Variants in UTP18 observed in about 807,000 individuals in gnomAD.
UTP18 encodes the protein UTP18 small subunit processome component, also known as U3 small nucleolar RNA-associated protein 18 homolog.
In UTP18, 36 loss-of-function variants were observed where a neutral mutation model predicts 61.1. The observed-to-expected ratio is 0.59, with a 90% CI of 0.45 to 0.78. The LOEUF is 0.78. UTP18 is among the 30% of genes least tolerant of loss of function. The pLI is 0.00. For synonymous variants in UTP18, 282 were observed against 251.1 expected, an observed-to-expected ratio of 1.12 and a Z score of -1.16; for missense variants, 753 against 693.9, an observed-to-expected ratio of 1.09 and a Z score of -0.96.
chr17:51,277,920 T>C (rs1904784523), intron 7 of UTP18, among the ~76,000 whole-genome samples: 1 of 152,144 alleles, frequency 6.6e-6, no homozygotes, highest in Admixed American at 6.6e-5. Flanking sequence ...ACCAAAGCCC[T>C]TCTAATGAGG....
At chr17:51,263,127 G>T in intron 1 of UTP18, 147 bp from the exon 2 acceptor site, 1 of 659,362 alleles carries the variant, frequency 1.5e-6, no homozygotes, top group Non-Finnish European at 2.6e-6. Context: ...TCTGCTTCCA[G>T]CATTTGCAAT....
At position 51,266,176 on chromosome 17, in the gene UTP18, T is replaced by C. The variant is rs773366961; in HGVS notation, c.456-6T>C. On this transcript the variant is annotated splice_polypyrimidine_tract_variant and splice_region_variant and intron_variant, in intron 2 of 13. Coordinates refer to ENST00000225298, the MANE Select transcript of UTP18 (RefSeq NM_016001.3). Reference sequence around the variant, plus strand: ...TTATTTAAAATATGCTGTTCTGTTTTTGTAGGGTTGACATGATGAACAATC... The same window carrying C: ...TTATTTAAAATATGCTGTTCTGTTTCTGTAGGGTTGACATGATGAACAATC... 6.3e-7 allele frequency: 1 copy of C among 1,575,786 alleles called. No individual in the cohort carries two copies. The highest frequency in any genetic ancestry group is 1.2e-5 in the South Asian group (1 of 84,108).
At chr17:51,292,299 T>A (rs1031927032) in intron 11 of UTP18, among the ~76,000 whole-genome samples, 1 of 152,370 alleles carries the variant, frequency 6.6e-6, no homozygotes, top group African/African-American at 2.4e-5. Context: ...GCCAACTTCT[T>A]AGCTTTAATG....
At chr17:51,285,024 A>G (rs969827589) in intron 9 of UTP18, among the ~76,000 whole-genome samples, 2 of 151,810 alleles carry the variant, frequency 1.3e-5, no homozygotes, top group Non-Finnish European at 1.5e-5. Flanking sequence ...TGGCGCAGTT[A>G]CACTCCAGCC....
intron 10 of UTP18, chr17:51,286,435 C>T (rs1234484890): frequency 2.2e-6 from 1 of 455,220 alleles, no homozygotes; most frequent in South Asian, 1.6e-5. Flanking sequence ...GTCTTGTTGT[C>T]CAGAAACTTA....
At chr17:51,280,180 G>A (rs1202247552) in intron 8 of UTP18, 75 bp downstream of exon 8, 6 of 1,468,386 alleles carry the variant, frequency 4.1e-6, no homozygotes, top group Admixed American at 3.8e-5. Flanking sequence ...CCTTAACTCA[G>A]TGTGTCCTTA....
At chr17:51,264,209 G>A (rs765651666) in intron 2 of UTP18, among the ~76,000 whole-genome samples, 14 of 151,830 alleles carry the variant, frequency 9.2e-5, no homozygotes, top group Non-Finnish European at 1.8e-4. Context: ...GCTAATTTTT[G>A]TATTTTTAGT....
intron 3 of UTP18, 61 bp from the exon 4 acceptor site, chr17:51,268,776 A>G (rs1258158995): frequency 9.3e-6 from 13 of 1,398,550 alleles, no homozygotes; most frequent in Non-Finnish European, 1.3e-5. Context: ...CTTTAAATGT[A>G]TCAAGCTTTA....
chr17:51,285,197 C>G (rs756143737), intron 9 of UTP18, 48 bp from the exon 10 acceptor site: 3 of 1,607,260 alleles, frequency 1.9e-6, no homozygotes, highest in Non-Finnish European at 2.5e-6. Flanking sequence ...ACTTGCCTTT[C>G]AAGTTTAAAG....
At chr17:51,272,920 A>G (rs1030643222) in intron 4 of UTP18, among the ~76,000 whole-genome samples, 2 of 152,224 alleles carry the variant, frequency 1.3e-5, no homozygotes, top group African/African-American at 2.4e-5. Flanking sequence ...GTTCTGATAC[A>G]TAGATTGCTG....
chr17:51,286,604 A>C, intron 10 of UTP18: 2 of 455,936 alleles, frequency 4.4e-6, no homozygotes, highest in Non-Finnish European at 8.8e-6. Flanking sequence ...TGCCTTAGGC[A>C]GTAAGACAGT....
intron 5 of UTP18, among the ~76,000 whole-genome samples, chr17:51,275,357 C>T (rs572762535): frequency 2.0e-5 from 3 of 152,274 alleles, no homozygotes; most frequent in African/African-American, 7.2e-5. Context: ...TGTGAGATTA[C>T]CATTACTTTA....
At chr17:51,286,104 C>T (rs1159989242) in intron 10 of UTP18, among the ~76,000 whole-genome samples, 1 of 152,106 alleles carries the variant, frequency 6.6e-6, no homozygotes, top group African/African-American at 2.4e-5. Context: ...AAAACATGTT[C>T]CTAGGAAATA....
Position 51,261,829 on chromosome 17 carries a change from C to T in UTP18, c.342+903C>T, listed in dbSNP as rs567001774. On this transcript the variant is annotated intron_variant, in intron 1 of 13. Coordinates refer to ENST00000225298, the MANE Select transcript of UTP18 (RefSeq NM_016001.3). The stretch of plus-strand genomic sequence containing the variant: ...CAAATGCTGACCTAGTTAATGTCAG[C>T]TGCTTACCAGAGCCGCCTTCGGGTG... Among the ~76,000 whole-genome samples, 137 of 151,974 alleles carry T rather than the reference C, an allele frequency of 9.0e-4. 2 individuals are homozygous for T. Among genetic ancestry groups the T allele is most frequent in the Admixed American group, 7.2e-4 (11 of 15,250 alleles).
At chr17:51,291,056 C>T (rs1905225623) in intron 11 of UTP18, among the ~76,000 whole-genome samples, 1 of 152,124 alleles carries the variant, frequency 6.6e-6, no homozygotes, top group Non-Finnish European at 1.5e-5. Flanking sequence ...CGAGCTTTTA[C>T]TTGTTGAATT....
In UTP18 at chr17:51,285,925, A is replaced by T. The variant is rs969377784; in HGVS notation, c.1328+557A>T. ...GCAAAGAAAATGCTGGCGCTACCTT[A>T]TATCATTGTATTTTTTCCTATTTAA... On this transcript the variant is annotated intron_variant, in intron 10 of 13. Transcript: ENST00000225298. Among the ~76,000 whole-genome samples the T allele has an allele frequency of 6.6e-5, 10 of 152,316 alleles. 1 individual carries two copies. Among genetic ancestry groups the T allele is most frequent in the African/African-American group, 2.4e-4 (10 of 41,572 alleles).
chr17:51,294,039 TGTATAG>T lies in UTP18; in HGVS notation c.1644_1646+3del. ...GGGAATGAAAAGGGCAAGGCCCTGATGTATAGGTAGGTATTATTTATGTTTAAAAGT... is the reference window on the plus strand; with the variant it reads ...GGGAATGAAAAGGGCAAGGCCCTGATGTAGGTATTATTTATGTTTAAAAGT... On this transcript the variant is annotated inframe_deletion and splice_region_variant, in exon 12 of 14. Transcript: ENST00000225298. 6.3e-7 allele frequency: 1 copy of T among 1,596,672 alleles called. No individual in the cohort carries two copies. The highest frequency in any genetic ancestry group is 8.5e-7 in the Non-Finnish European group (1 of 1,174,040).
In UTP18 at chr17:51,295,415, T is replaced by C. The variant is rs549068372; in HGVS notation, c.1646+1370T>C. ...AGGGACCCAGTTTCAGCTTTCTACA[T>C]ATGGCTAGCCAGTTTTCCCAGCACC... On this transcript the variant is annotated intron_variant, in intron 12 of 13. Transcript: ENST00000225298. Among the ~76,000 whole-genome samples the C allele has an allele frequency of 3.5e-3, 534 of 152,352 alleles. 1 individual carries two copies. The highest frequency in any genetic ancestry group is 6.4e-3 in the Non-Finnish European group (436 of 68,026).
chr17:51,266,435 A>T (rs2055562184), intron 3 of UTP18, among the ~76,000 whole-genome samples, 155 bp downstream of exon 3: 1 of 152,072 alleles, frequency 6.6e-6, no homozygotes, highest in South Asian at 2.1e-4. Flanking sequence ...TTTTTAGGGG[A>T]GAGGGGACAA....
Sources: gnomAD v4.1 joint callset for allele counts (sites outside exome capture counted in the v4.1 genomes callset) on GRCh38, gnomAD v4.1.1 for gene constraint, MANE v1.5 for transcripts, NCBI Gene and HGNC (gene_info 2026-07-23, HGNC 2026-07-21) for gene names.